The following PDS5B variants were observed in gnomAD, a reference collection of about 807,000 sequenced individuals.
PDS5B encodes PDS5 cohesin associated factor B, also known as sister chromatid cohesion protein PDS5 homolog B.
Under a neutral mutation model 184.1 loss-of-function variants are expected in PDS5B, and 51 were observed. The observed-to-expected ratio is 0.28, with a 90% CI of 0.22 to 0.35. The LOEUF is 0.35. Ranked by LOEUF, PDS5B falls within the 10% of genes least tolerant of loss-of-function variation. The pLI, the probability that PDS5B is intolerant of heterozygous loss-of-function variation, is 1.00. For missense variants in PDS5B, 1,180 were observed against 1,723.3 expected (o/e 0.68, Z 5.58); for synonymous variants, 566 against 569.2 (o/e 0.99, Z 0.08).
At chr13:32,705,624 A>G (rs922730035) in intron 17 of PDS5B, among the ~76,000 whole-genome samples, 3 of 152,224 alleles carry the variant, frequency 2.0e-5, no homozygotes, top group Non-Finnish European at 4.4e-5. Context: ...AAAAAGGACA[A>G]ATACATACCC....
intron 19 of PDS5B, 134 bp from the exon 20 acceptor site, chr13:32,731,967 G>A: frequency 1.7e-6 from 1 of 604,472 alleles, no homozygotes; most frequent in Non-Finnish European, 2.8e-6. Context: ...GCCTTTGGAA[G>A]TGAGTTTGAG....
At chr13:32,636,056 A>G (rs541699726) in intron 1 of PDS5B, among the ~76,000 whole-genome samples, 1 of 152,194 alleles carries the variant, frequency 6.6e-6, no homozygotes, top group East Asian at 1.9e-4. Context: ...GGCGTGAGCC[A>G]CCGCTCCCGG....
intron 1 of PDS5B, among the ~76,000 whole-genome samples, chr13:32,587,206 C>T (rs2057700452): frequency 6.6e-6 from 1 of 151,192 alleles, no homozygotes. Context: ...GCCTGGCCTC[C>T]GCTTCGGGCC....
intron 17 of PDS5B, among the ~76,000 whole-genome samples, chr13:32,702,985 GC>G (rs1951905275): frequency 6.6e-6 from 1 of 152,128 alleles, no homozygotes; most frequent in Admixed American, 6.5e-5. Flanking sequence ...CTAAAAAATT[GC>G]CAGCTTACTG....
intron 14 of PDS5B, 108 bp from the exon 15 acceptor site, chr13:32,696,746 A>G: frequency 4.1e-6 from 3 of 731,920 alleles, no homozygotes; most frequent in Non-Finnish European, 7.2e-6. Context: ...TGGTAAGAGC[A>G]TGGGTCTGCA....
intron 19 of PDS5B, among the ~76,000 whole-genome samples, chr13:32,729,306 A>G (rs1184568084): frequency 6.6e-6 from 1 of 152,186 alleles, no homozygotes; most frequent in Admixed American, 6.5e-5. Context: ...ATAGTATTCC[A>G]TGGTGTATAT....
At chr13:32,588,011 C>G (rs2057717371) in intron 1 of PDS5B, among the ~76,000 whole-genome samples, 1 of 152,176 alleles carries the variant, frequency 6.6e-6, no homozygotes, top group Non-Finnish European at 1.5e-5. Flanking sequence ...AGTCATTGTT[C>G]TCAGTTAACA....
intron 3 of PDS5B, among the ~76,000 whole-genome samples, chr13:32,656,273 CTT>C (rs71071057): frequency 4.1e-5 from 4 of 96,780 alleles, no homozygotes; most frequent in Admixed American, 1.3e-4. Context: ...TCTCCAGCTT[CTT>C]TTTTTTTTTT....
chr13:32,771,928 C>T (rs773487412), intron 33 of PDS5B, among the ~76,000 whole-genome samples: 10 of 150,108 alleles, frequency 6.7e-5, no homozygotes, highest in Non-Finnish European at 1.5e-4. Context: ...ATGTTCTAAA[C>T]CAAACAAGTA....
At chr13:32,753,192 C>A in intron 24 of PDS5B, 140 bp from the exon 25 acceptor site, 2 of 612,834 alleles carry the variant, frequency 3.3e-6, no homozygotes, top group Non-Finnish European at 5.7e-6. Context: ...CACAACATCT[C>A]ACTCTTGTGA....
Position 32,740,490 on chromosome 13 carries a change from T to C in PDS5B, c.2407-590T>C, listed in dbSNP as rs1444819491. Among the ~76,000 whole-genome samples the C allele has an allele frequency of 4.6e-5, 7 of 152,186 alleles. 1 individual carries two copies. Among genetic ancestry groups the C allele is most frequent in the African/African-American group, 9.6e-5 (4 of 41,462 alleles). ...TACCAGAGGGTTACCTGAGGTGATA[T>C]TCAATTCCTGTTCTTTGACCTGAGG... On this transcript the variant is annotated intron_variant, in intron 21 of 34. Coordinates refer to ENST00000315596, the MANE Select transcript of PDS5B (RefSeq NM_015032.4).
chr13:32,666,418 T>A (rs749106900), intron 6 of PDS5B, among the ~76,000 whole-genome samples: 1 of 152,114 alleles, frequency 6.6e-6, no homozygotes, highest in Non-Finnish European at 1.5e-5. Context: ...AAATTATAGT[T>A]AACAATAATT....
chr13:32,751,296 A>T (rs182744264), intron 24 of PDS5B, among the ~76,000 whole-genome samples: 72 of 152,346 alleles, frequency 4.7e-4, no homozygotes, highest in Non-Finnish European at 7.1e-4. Context: ...GCTGTTGTGA[A>T]TAGTGCTGCA....
At chr13:32,728,119 A>G (rs893072291) in intron 19 of PDS5B, among the ~76,000 whole-genome samples, 8 of 151,348 alleles carry the variant, frequency 5.3e-5, no homozygotes, top group Non-Finnish European at 1.2e-4. Flanking sequence ...TCTTATATTT[A>G]GTAATTCTAT....
At chr13:32,665,965 G>T (rs772323622) in intron 6 of PDS5B, among the ~76,000 whole-genome samples, 2 of 152,184 alleles carry the variant, frequency 1.3e-5, no homozygotes, top group Non-Finnish European at 2.9e-5. Context: ...TGGAAGTAGA[G>T]AATAGAATGG....
At chr13:32,748,304 G>A (rs574244194) in intron 24 of PDS5B, among the ~76,000 whole-genome samples, 2 of 151,954 alleles carry the variant, frequency 1.3e-5, no homozygotes, top group Non-Finnish European at 2.9e-5. Flanking sequence ...TGCCTTTGTT[G>A]TTTTCCAGAA....
At chr13:32,627,355 G>A (rs1009765819) in intron 1 of PDS5B, among the ~76,000 whole-genome samples, 1 of 152,172 alleles carries the variant, frequency 6.6e-6, no homozygotes, top group Admixed American at 6.5e-5. Flanking sequence ...TGTAGAATTA[G>A]CTATAGATAT....
At chr13:32,673,112 TG>T (rs1950979151) in intron 7 of PDS5B, 103 bp from the exon 8 acceptor site, 2 of 998,944 alleles carry the variant, frequency 2.0e-6, no homozygotes, top group East Asian at 4.8e-5. Context: ...ATGCCTAGTT[TG>T]ACTTTGTATA....
intron 19 of PDS5B, among the ~76,000 whole-genome samples, chr13:32,724,183 C>T (rs547491808): frequency 2.3e-4 from 35 of 152,084 alleles, no homozygotes; most frequent in Non-Finnish European, 4.4e-4. Flanking sequence ...GTAGTCAGAT[C>T]GTAGCTCACT....
Sources: allele counts gnomAD v4.1 joint callset (sites outside exome capture counted in the v4.1 genomes callset), GRCh38; gene constraint gnomAD v4.1.1; transcripts MANE v1.5; gene names NCBI Gene and HGNC (gene_info 2026-07-23, HGNC 2026-07-21).